The following TSPAN17 variants were observed in gnomAD, a reference collection of about 807,000 sequenced individuals.
TSPAN17 encodes tetraspanin-17.
Under a neutral mutation model 40.5 loss-of-function variants are expected in TSPAN17, and 33 were observed. That is an observed-to-expected ratio of 0.81 (90% CI 0.62 to 1.09). The LOEUF is 1.09. TSPAN17 is among the 50% of genes least tolerant of loss of function. The probability of loss-of-function intolerance (pLI) is 0.00; values close to 1 mark genes in which losing one functional copy is unlikely to be tolerated. For missense variants in TSPAN17, 365 were observed against 416.8 expected (o/e 0.88, Z 1.08); for synonymous variants, 166 against 169.4 (o/e 0.98, Z 0.15).
At position 176,657,902 on chromosome 5, in the gene TSPAN17, T is replaced by C; in HGVS notation, c.*204T>C. 3.4e-6 allele frequency: 3 copies of C among 878,080 alleles called. No homozygotes were observed. The highest frequency in any genetic ancestry group is 4.8e-6 in the Non-Finnish European group (3 of 624,992). 54.4% of individuals were successfully genotyped at this position (878,080 alleles called of 1,614,324 possible). A position where few individuals can be genotyped will look rare whatever the true frequency, so the allele number is the denominator to read the frequency against. On this transcript the variant is annotated 3_prime_UTR_variant, in exon 9 of 9. Transcript: ENST00000508164. ...CCTCTGCAGGGTTATTCCCTGCACC[T>C]CGAGGCCGCTGCGGGCCAATCTGGA...
At chr5:176,656,610 C>T in intron 6 of TSPAN17, 90 bp from the exon 7 acceptor site, 1 of 1,318,490 alleles carries the variant, frequency 7.6e-7, no homozygotes, top group Non-Finnish European at 1.1e-6. Flanking sequence ...CAGGTTTAGA[C>T]CCTGGGGTGG....
Position 176,651,534 on chromosome 5 carries a change from G to C in TSPAN17, c.88-82G>C. 1 of 1,460,544 alleles carries C rather than the reference G, an allele frequency of 6.8e-7. No homozygotes were observed. The highest frequency in any genetic ancestry group is 9.2e-7 in the Non-Finnish European group (1 of 1,086,924). 90.5% of individuals were successfully genotyped at this position (1,460,544 alleles called of 1,614,324 possible). On this transcript the variant is annotated intron_variant, in intron 1 of 8. Transcript: ENST00000508164. The surrounding 1 kb of genome is among the most constrained non-coding windows in gnomAD (Gnocchi z 4.5). Reference sequence around the variant, plus strand: ...TGCCTCTTCCTCTCTCCGCTGGAAAGGCCCTGGCTACCGGGGAAGGATGAG... The same window carrying C: ...TGCCTCTTCCTCTCTCCGCTGGAAACGCCCTGGCTACCGGGGAAGGATGAG...
rs1201085647 is a variant in TSPAN17, at chr5:176,655,037, G to C, written c.582+17G>C. ...GACCCTGCGGTGAGTGGGGCTGGGG[G>C]AGGAGAGGTAAGGGACTTTCCAGTG... On this transcript the variant is annotated intron_variant, in intron 5 of 8. Transcript: ENST00000508164. 6.3e-7 allele frequency: 1 copy of C among 1,592,208 alleles called. No individual in the cohort carries two copies. The highest frequency in any genetic ancestry group is 2.3e-5 in the East Asian group (1 of 43,696).
chr5:176,648,204 C>T (rs889943029), intron 1 of TSPAN17, among the ~76,000 whole-genome samples: 2 of 152,184 alleles, frequency 1.3e-5, no homozygotes, highest in Admixed American at 6.5e-5. Flanking sequence ...GGGTGGGTCA[C>T]AGTCCTCTGC....
At chr5:176,653,146 T>C in intron 4 of TSPAN17, 1 of 449,436 alleles carries the variant, frequency 2.2e-6, no homozygotes, top group Non-Finnish European at 4.1e-6. Flanking sequence ...GGGCATGGGC[T>C]CCACGCTAGC....
At chr5:176,652,300 G>A (rs1242089201) in intron 3 of TSPAN17, among the ~76,000 whole-genome samples, 1 of 152,188 alleles carries the variant, frequency 6.6e-6, no homozygotes, top group African/African-American at 2.4e-5. Context: ...GAGGCTGAGA[G>A]CTCTCTTCCC....
Position 176,655,015 on chromosome 5 carries a change from C to A in TSPAN17, c.577C>A (p.Pro193Thr). ...GCCCTTCTCCTGCTGCGTCAGGGAC[C>A]CTGCGGTGAGTGGGGCTGGGGGAGG... Reference protein sequence around the residue: ...GVPFSCCVRDPAEDVLNTQCG... With the variant: ...GVPFSCCVRDTAEDVLNTQCG... The change falls in exon 5 of 9, where the codon CCT becomes ACT. Residue 193 changes from proline (P) to threonine (T), a missense_variant. Transcript: ENST00000508164. 3 of 1,604,440 alleles carry A rather than the reference C, an allele frequency of 1.9e-6. No individual in the cohort carries two copies. Among genetic ancestry groups the A allele is most frequent in the Non-Finnish European group, 2.6e-6 (3 of 1,175,236 alleles).
intron 1 of TSPAN17, among the ~76,000 whole-genome samples, chr5:176,648,059 C>T (rs1426841114): frequency 6.6e-6 from 1 of 152,212 alleles, no homozygotes; most frequent in Non-Finnish European, 1.5e-5. Context: ...ATGTGGGATG[C>T]GTGCCAAGCC....
In TSPAN17 at chr5:176,651,776, C is replaced by A. The variant is rs778619468; in HGVS notation, c.161C>A (p.Ala54Glu). ...CAGGGCGTTCTCTCGAACATCTCAGCGCTGACAGATCTGGGAGGCCTTGAC... is the reference window on the plus strand; with the variant it reads ...CAGGGCGTTCTCTCGAACATCTCAGAGCTGACAGATCTGGGAGGCCTTGAC... ...GEKGVLSNISALTDLGGLDPV... is the reference protein window; with the variant it reads ...GEKGVLSNISELTDLGGLDPV... Residue 54 changes from alanine (A) to glutamate (E), a missense_variant, in exon 3 of 9, where the codon GCG (alanine) becomes GAG (glutamate). Ala to Glu is a moderately radical substitution (Grantham distance 107). Transcript: ENST00000508164. This position sits in a 1 kb window ranked among gnomAD's most constrained non-coding sequence, Gnocchi z 4.5. 6.2e-7 allele frequency: 1 copy of A among 1,614,162 alleles called. No individual in the cohort carries two copies. Among genetic ancestry groups the A allele is most frequent in the South Asian group, 1.1e-5 (1 of 91,082 alleles).
At chr5:176,657,259 G>A (rs946066482) in intron 8 of TSPAN17, 13 of 658,658 alleles carry the variant, frequency 2.0e-5, no homozygotes, top group East Asian at 5.5e-5. Context: ...TAGGAAGGGC[G>A]CAGCTCAGAG....
Position 176,651,485 on chromosome 5 carries a change from C to T in TSPAN17, c.88-131C>T, listed in dbSNP as rs1760960430. 1.0e-6 allele frequency: 1 copy of T among 967,540 alleles called. No homozygotes were observed. 59.9% of individuals were successfully genotyped at this position (967,540 alleles called of 1,614,324 possible). A position where few individuals can be genotyped will look rare whatever the true frequency, so the allele number is the denominator to read the frequency against. ...GTGTTCTTGGGAAGATGGAAAGGAC[C>T]CCGGATCCCGTTCACAGCCCTTGTG... On this transcript the variant is annotated intron_variant, in intron 1 of 8. Transcript: ENST00000508164. The surrounding 1 kb of genome is among the most constrained non-coding windows in gnomAD (Gnocchi z 4.5).
chr5:176,656,872 C>T (rs1171407580), intron 7 of TSPAN17, 23 bp from the exon 8 acceptor site: 6 of 1,614,098 alleles, frequency 3.7e-6, no homozygotes, highest in Admixed American at 1.7e-5. Flanking sequence ...TCACTCTCCC[C>T]TCACCTGTCC....
In TSPAN17 at chr5:176,656,880, T is replaced by C. The variant is rs775916485; in HGVS notation, c.748-15T>C. On this transcript the variant is annotated splice_polypyrimidine_tract_variant and intron_variant, in intron 7 of 8. Transcript: ENST00000508164. Reference sequence around the variant, plus strand: ...GCCGCCCTCACTCTCCCCTCACCTGTCCTCTGTCTTACAGATCTTTGGCAT... The same window carrying C: ...GCCGCCCTCACTCTCCCCTCACCTGCCCTCTGTCTTACAGATCTTTGGCAT... The C allele has an allele frequency of 6.2e-7, 1 of 1,614,192 alleles. No individual in the cohort carries two copies. The highest frequency in any genetic ancestry group is 1.7e-5 in the Admixed American group (1 of 60,038).
intron 5 of TSPAN17, 21 bp downstream of exon 5, chr5:176,655,041 A>G (rs1480767168): frequency 6.3e-7 from 1 of 1,588,412 alleles, no homozygotes; most frequent in Non-Finnish European, 8.6e-7. Context: ...CTGGGGGAGG[A>G]GAGGTAAGGG....
intron 6 of TSPAN17, 57 bp downstream of exon 6, chr5:176,656,182 G>A: frequency 6.3e-7 from 1 of 1,576,866 alleles, no homozygotes; most frequent in Non-Finnish European, 8.7e-7. Context: ...GGTTGGGTAT[G>A]AGAGTGTCTA....
chr5:176,651,669 A>G lies in TSPAN17; in HGVS notation c.138+3A>G, dbSNP rs1760968238. ...GCCTCTGGGCCTGGGGTGAGAAGGTAAGGCAGCGGGCGGGCGTGGAGCTGG... is the reference window on the plus strand; with the variant it reads ...GCCTCTGGGCCTGGGGTGAGAAGGTGAGGCAGCGGGCGGGCGTGGAGCTGG... On this transcript the variant is annotated splice_donor_region_variant and intron_variant, in intron 2 of 8. Coordinates refer to ENST00000508164, the MANE Select transcript of TSPAN17 (RefSeq NM_130465.5). The surrounding 1 kb of genome is among the most constrained non-coding windows in gnomAD (Gnocchi z 4.5). 6.2e-7 allele frequency: 1 copy of G among 1,613,870 alleles called. No individual in the cohort carries two copies. Among genetic ancestry groups the G allele is most frequent in the Non-Finnish European group, 8.5e-7 (1 of 1,179,902 alleles).
intron 6 of TSPAN17, 118 bp from the exon 7 acceptor site, chr5:176,656,580 ACT>A (rs1761163145): frequency 1.1e-6 from 1 of 907,428 alleles, no homozygotes; most frequent in Admixed American, 1.8e-5. Context: ...TTGTGGAGGG[ACT>A]GTGGGGAGCA....
At chr5:176,647,815 T>TC in intron 1 of TSPAN17, 113 bp downstream of exon 1, 2 of 981,160 alleles carry the variant, frequency 2.0e-6, no homozygotes, top group African/African-American at 1.7e-5. Context: ...CTCGGGACCA[T>TC]CCCCCCACTT....
chr5:176,654,892 C>A lies in TSPAN17; in HGVS notation c.457-3C>A. 6.2e-7 allele frequency: 1 copy of A among 1,613,770 alleles called. No individual in the cohort carries two copies. Among genetic ancestry groups the A allele is most frequent in the Non-Finnish European group, 8.5e-7 (1 of 1,179,824 alleles). The stretch of plus-strand genomic sequence containing the variant: ...CACCTGGGGCTCTCCCCTGCCCCCA[C>A]AGTGGTCTTGCTGCGGAGCCCGAGG... On this transcript the variant is annotated splice_polypyrimidine_tract_variant and splice_region_variant and intron_variant, in intron 4 of 8. Coordinates refer to ENST00000508164, the MANE Select transcript of TSPAN17 (RefSeq NM_130465.5). The surrounding 1 kb of genome is among the most constrained non-coding windows in gnomAD (Gnocchi z 4.3).
Sources: allele counts gnomAD v4.1 joint callset (sites outside exome capture counted in the v4.1 genomes callset), GRCh38; gene constraint gnomAD v4.1.1; non-coding constraint Gnocchi (gnomAD v3.1); transcripts MANE v1.5; gene names NCBI Gene and HGNC (gene_info 2026-07-23, HGNC 2026-07-21).